AKT1: variants seen among roughly 807,000 people sequenced by gnomAD.
The protein encoded by AKT1 is RAC-alpha serine/threonine-protein kinase.
Under a neutral mutation model 63.1 loss-of-function variants are expected in AKT1, and 21 were observed. The ratio of observed to expected loss-of-function variants is 0.33; its 90% confidence interval spans 0.24 to 0.48. The LOEUF is 0.48. Among genes scored for constraint, AKT1 ranks in the 20% least tolerant of loss-of-function variants. The pLI is 0.99. For synonymous variants in AKT1, 257 were observed against 253.1 expected, an observed-to-expected ratio of 1.02 and a Z score of -0.15; for missense variants, 382 against 666.0, an observed-to-expected ratio of 0.57 and a Z score of 4.69.
intron 3 of AKT1, among the ~76,000 whole-genome samples, chr14:104,785,493 C>T (rs752037824): frequency 2.6e-5 from 4 of 152,170 alleles, no homozygotes; most frequent in Non-Finnish European, 4.4e-5. Flanking sequence ...TGTCTGTTCC[C>T]GCCAGGCAGA....
chr14:104,772,506 G>C, intron 12 of AKT1, 54 bp from the exon 13 acceptor site: 1 of 1,576,360 alleles, frequency 6.3e-7, no homozygotes, highest in Non-Finnish European at 8.7e-7. Flanking sequence ...CCCAGGCCCT[G>C]GGTTCAGGCC....
intron 4 of AKT1, chr14:104,777,057 G>C: frequency 2.6e-6 from 1 of 387,968 alleles, no homozygotes. Flanking sequence ...CCTTCCTTCA[G>C]TCTCTGAGCC....
intron 1 of AKT1, chr14:104,793,978 G>C (rs890764027): frequency 6.6e-6 from 1 of 152,424 alleles, no homozygotes; most frequent in Middle Eastern, 3.4e-3. Context: ...CTCCCCCCAG[G>C]CCACCTTTCT....
rs904653860 is a variant in AKT1, at chr14:104,770,214, G to T, written c.*127C>A. The T allele has an allele frequency of 1.6e-5, 17 of 1,051,980 alleles. No individual in the cohort carries two copies. Among genetic ancestry groups the T allele is most frequent in the Non-Finnish European group, 2.1e-5 (15 of 707,592 alleles). 65.2% of individuals were successfully genotyped at this position (1,051,980 alleles called of 1,614,324 possible). A position where few individuals can be genotyped will look rare whatever the true frequency, so the allele number is the denominator to read the frequency against. On this transcript the variant is annotated 3_prime_UTR_variant, in exon 15 of 15. Transcript: ENST00000649815. ...ACAGCACAAAAACGTCTTTCCATCT[G>T]GGCTCGAGAGGACAGCGTGGCTTCT...
Position 104,772,391 on chromosome 14 carries a change from C to T in AKT1, c.1234G>A (p.Val412Met), listed in dbSNP as rs1444891733. ...IMQHRFFAGI[V>M]WQHVYEKKLS... Reference sequence around the variant, plus strand: ...TTCTTCTCGTACACGTGCTGCCACACGATACCGGCAAAGAAGCGATGCTGC... The same window carrying T: ...TTCTTCTCGTACACGTGCTGCCACATGATACCGGCAAAGAAGCGATGCTGC... Residue 412 changes from valine to methionine, a missense_variant, in exon 13 of 15, where the codon GTG becomes ATG. Val to Met is a conservative substitution (Grantham distance 21, BLOSUM62 1). This residue lies in a region of AKT1 where 90 missense variants were observed against 120.5 expected (regional missense o/e 0.75). Transcript: ENST00000649815. The T allele has an allele frequency of 6.8e-6, 11 of 1,613,884 alleles. No homozygotes were observed. The highest frequency in any genetic ancestry group is 6.7e-5 in the East Asian group (3 of 44,882).
intron 3 of AKT1, among the ~76,000 whole-genome samples, chr14:104,781,507 C>T (rs1294463094): frequency 2.6e-5 from 4 of 152,156 alleles, no homozygotes; most frequent in Non-Finnish European, 5.9e-5. Flanking sequence ...TCCCAGCAGG[C>T]ATTCTACTTT....
At chr14:104,774,728 C>A (rs1478976300) in intron 8 of AKT1, 2 of 608,674 alleles carry the variant, frequency 3.3e-6, no homozygotes, top group Admixed American at 6.2e-5. Flanking sequence ...ACCCACCTGC[C>A]CGCACACGGG....
At chr14:104,782,897 G>A (rs968401673) in intron 3 of AKT1, among the ~76,000 whole-genome samples, 2 of 152,132 alleles carry the variant, frequency 1.3e-5, no homozygotes, top group South Asian at 2.1e-4. Flanking sequence ...TTGGGGGGGT[G>A]CCAGCTGCAG....
At chr14:104,782,547 C>T (rs761452819) in intron 3 of AKT1, among the ~76,000 whole-genome samples, 22 of 152,190 alleles carry the variant, frequency 1.4e-4, no homozygotes, top group South Asian at 8.3e-4. Flanking sequence ...GGCCCAGGGG[C>T]GGCGCTTACC....
chr14:104,793,819 T>G (rs1298356631), intron 1 of AKT1: 1 of 152,302 alleles, frequency 6.6e-6, no homozygotes, highest in African/African-American at 2.4e-5. Context: ...CGCATGCTCT[T>G]CCTGTGAGCA....
intron 3 of AKT1, among the ~76,000 whole-genome samples, chr14:104,787,392 C>T (rs1304559708): frequency 2.6e-5 from 4 of 152,064 alleles, no homozygotes; most frequent in African/African-American, 4.8e-5. Flanking sequence ...CACAATGGTC[C>T]AAGCAGACAG....
intron 3 of AKT1, among the ~76,000 whole-genome samples, chr14:104,786,774 C>T (rs1025568950): frequency 1.3e-5 from 2 of 152,126 alleles, no homozygotes; most frequent in African/African-American, 4.8e-5. Context: ...TGGCCCTGAC[C>T]CCCGTGGCCT....
intron 3 of AKT1, among the ~76,000 whole-genome samples, chr14:104,786,057 G>C (rs1214972936): frequency 2.6e-5 from 4 of 151,808 alleles, no homozygotes. Flanking sequence ...CCCATCCATC[G>C]CAGAGCCCAG....
rs368431843 is a variant in AKT1, at chr14:104,780,804, C to G, written c.47-588G>C. On this transcript the variant is annotated intron_variant, in intron 3 of 14. Transcript: ENST00000649815. ...CCACTCAGACTGAGGGCCGGGCTCG[C>G]GGGACAGGACTGCCCACTGCCGTGG... 3.0e-4 allele frequency among the ~76,000 whole-genome samples: 45 copies of G among 152,214 alleles called. No homozygotes were observed. In the South Asian group the frequency reaches 8.5e-3, roughly 29 times the overall value.
intron 3 of AKT1, among the ~76,000 whole-genome samples, chr14:104,782,963 C>T (rs900952704): frequency 7.2e-5 from 11 of 152,088 alleles, no homozygotes; most frequent in African/African-American, 7.2e-5. Flanking sequence ...GCTGGGTGGG[C>T]GGCCAGCCCC....
In AKT1 at chr14:104,769,574, A is replaced by G. The variant is rs1356354848; in HGVS notation, c.*767T>C. ...TTAAGCGTCGAAAAGGTCAAGTGCT[A>G]CCGTGGAGAGATCATCTGAGGGGGA... On this transcript the variant is annotated 3_prime_UTR_variant, in exon 15 of 15. Coordinates refer to ENST00000649815, the MANE Select transcript of AKT1 (RefSeq NM_001382430.1). The G allele has an allele frequency of 1.9e-6, 1 of 533,730 alleles. No homozygotes were observed. Among genetic ancestry groups the G allele is most frequent in the African/African-American group, 1.9e-5 (1 of 53,656 alleles). The allele number at this position is 533,730 out of a possible 1,614,324, so 33.1% of individuals were successfully genotyped here. A position where few individuals can be genotyped will look rare whatever the true frequency, so the allele number is the denominator to read the frequency against.
At position 104,777,794 on chromosome 14, in the gene AKT1, G is replaced by A. The variant is rs982803401; in HGVS notation, c.176-1024C>T. ...GGGGGCCTGGCCAGGCAGCAAGGAAGCTGTCTTCCAGGCCTGGGGGCCAGG... is the reference window on the plus strand; with the variant it reads ...GGGGGCCTGGCCAGGCAGCAAGGAAACTGTCTTCCAGGCCTGGGGGCCAGG... On this transcript the variant is annotated intron_variant, in intron 4 of 14. Transcript: ENST00000649815. 10 of 971,472 alleles carry A rather than the reference G, an allele frequency of 1.0e-5. No homozygotes were observed. In the South Asian group the frequency reaches 1.4e-4, roughly 14 times the overall value. The allele number at this position is 971,472 out of a possible 1,614,324, so 60.2% of individuals were successfully genotyped here.
At chr14:104,793,975 C>G (rs1412306979) in intron 1 of AKT1, 1 of 152,368 alleles carries the variant, frequency 6.6e-6, no homozygotes, top group Non-Finnish European at 1.5e-5. Flanking sequence ...GCTCTCCCCC[C>G]AGGCCACCTT....
chr14:104,776,059 T>G, intron 5 of AKT1: 2 of 328,884 alleles, frequency 6.1e-6, no homozygotes, highest in Non-Finnish European at 1.1e-5. Flanking sequence ...CCAGCAGGAC[T>G]CCGCCCCCCA....
Sources: gnomAD v4.1 joint callset for allele counts (sites outside exome capture counted in the v4.1 genomes callset) on GRCh38, gnomAD v4.1.1 for gene constraint, gnomAD v4.1.1 regional missense constraint, MANE v1.5 for transcripts, NCBI Gene and HGNC (gene_info 2026-07-23, HGNC 2026-07-21) for gene names.